Variants in DCC observed in about 807,000 individuals in gnomAD.
The protein encoded by DCC is DCC netrin 1 receptor.
Under a neutral mutation model 172.5 loss-of-function variants are expected in DCC, and 58 were observed. The observed-to-expected ratio is 0.34, with a 90% confidence interval of 0.27 to 0.42. The LOEUF (loss-of-function observed/expected upper bound fraction) is 0.42, where lower values mean the gene tolerates loss of function less well. Ranked by LOEUF, DCC falls within the 10% of genes least tolerant of loss-of-function variation. The probability of loss-of-function intolerance (pLI) is 1.00; values close to 1 mark genes in which losing one functional copy is unlikely to be tolerated. For synonymous variants in DCC, 709 were observed against 644.5 expected, an observed-to-expected ratio of 1.10 and a Z score of -1.52; for missense variants, 1,740 against 1,791.0, an observed-to-expected ratio of 0.97 and a Z score of 0.51.
At chr18:52,644,726 G>C (rs1282828728) in intron 1 of DCC, among the ~76,000 whole-genome samples, 3 of 147,202 alleles carry the variant, frequency 2.0e-5, no homozygotes, top group Non-Finnish European at 3.0e-5. Context: ...CTGTGTGACA[G>C]AGTGAGATCC....
chr18:53,450,067 A>C (rs1171394926), intron 22 of DCC, among the ~76,000 whole-genome samples: 1 of 151,868 alleles, frequency 6.6e-6, no homozygotes, highest in East Asian at 1.9e-4. Context: ...ATATTATAGT[A>C]GGTATTAGTG....
intron 12 of DCC, among the ~76,000 whole-genome samples, chr18:53,276,633 T>C (rs1241671374): frequency 1.3e-5 from 2 of 152,122 alleles, no homozygotes; most frequent in Non-Finnish European, 2.9e-5. Flanking sequence ...GTATGATTAA[T>C]AATCATGCAG....
intron 1 of DCC, among the ~76,000 whole-genome samples, chr18:52,516,552 A>T (rs76391976): frequency 5.3e-5 from 8 of 152,342 alleles, no homozygotes; most frequent in Non-Finnish European, 1.2e-4. Context: ...ACTGCATGTG[A>T]ATCTACAGTC....
At position 53,531,449 on chromosome 18, in the gene DCC, G is replaced by A. The variant is rs1157455364; in HGVS notation, c.*796G>A. ...TAATTATATGCTTAAGCTTGTAATAGGACAGTTTTCAATTTGGGTGGCTTT... is the reference window on the plus strand; with the variant it reads ...TAATTATATGCTTAAGCTTGTAATAAGACAGTTTTCAATTTGGGTGGCTTT... On this transcript the variant is annotated 3_prime_UTR_variant, in exon 29 of 29. Transcript: ENST00000442544. The A allele has an allele frequency of 6.5e-6, 1 of 153,062 alleles. No homozygotes were observed. The highest frequency in any genetic ancestry group is 1.5e-5 in the Non-Finnish European group (1 of 68,410). The allele number at this position is 153,062 out of a possible 1,614,324, so 9.5% of individuals were successfully genotyped here.
intron 7 of DCC, among the ~76,000 whole-genome samples, chr18:53,109,690 T>A (rs1013793711): frequency 2.7e-5 from 4 of 150,912 alleles, no homozygotes; most frequent in Non-Finnish European, 5.9e-5. Context: ...GATTTGGTAA[T>A]GAGAAGACAT....
chr18:53,187,783 C>G (rs2055305811), intron 9 of DCC, among the ~76,000 whole-genome samples: 1 of 152,168 alleles, frequency 6.6e-6, no homozygotes, highest in Non-Finnish European at 1.5e-5. Context: ...TTGGGGAACC[C>G]AAGATCCCAT....
intron 5 of DCC, among the ~76,000 whole-genome samples, chr18:52,966,966 C>A (rs1252593967): frequency 6.6e-6 from 1 of 152,160 alleles, no homozygotes; most frequent in South Asian, 2.1e-4. Flanking sequence ...TCTTTGGAGC[C>A]CCTGTGCTCT....
chr18:52,988,746 C>G (rs1007144432), intron 5 of DCC, among the ~76,000 whole-genome samples: 9 of 151,934 alleles, frequency 5.9e-5, no homozygotes, highest in African/African-American at 2.2e-4. Flanking sequence ...ATGAAATTTG[C>G]TGTAACCTTT....
intron 1 of DCC, among the ~76,000 whole-genome samples, chr18:52,414,142 G>A (rs907065610): frequency 3.9e-5 from 6 of 152,052 alleles, no homozygotes; most frequent in Admixed American, 2.6e-4. Context: ...GTGCAGTGGT[G>A]CAATCTCAGC....
intron 5 of DCC, among the ~76,000 whole-genome samples, chr18:53,038,697 T>A (rs1005721092): frequency 6.6e-6 from 1 of 151,998 alleles, no homozygotes; most frequent in African/African-American, 2.4e-5. Context: ...ATGAATTAAT[T>A]GGCCAAAAAT....
At chr18:53,441,988 T>C (rs1317645490) in intron 22 of DCC, among the ~76,000 whole-genome samples, 2 of 152,342 alleles carry the variant, frequency 1.3e-5, no homozygotes, top group Admixed American at 6.5e-5. Flanking sequence ...CTCTCAGTTC[T>C]GTTTAAAGGA....
At chr18:52,978,716 C>G (rs2041161312) in intron 5 of DCC, among the ~76,000 whole-genome samples, 1 of 152,160 alleles carries the variant, frequency 6.6e-6, no homozygotes, top group Non-Finnish European at 1.5e-5. Context: ...AGAACGAGGA[C>G]TATATCCACC....
At chr18:52,805,686 C>T (rs1293873076) in intron 2 of DCC, among the ~76,000 whole-genome samples, 1 of 152,146 alleles carries the variant, frequency 6.6e-6, no homozygotes, top group Non-Finnish European at 1.5e-5. Flanking sequence ...CAAATGAATA[C>T]TAGAAATGAA....
intron 12 of DCC, among the ~76,000 whole-genome samples, chr18:53,255,761 A>G (rs2056502541): frequency 6.6e-6 from 1 of 152,078 alleles, no homozygotes; most frequent in Non-Finnish European, 1.5e-5. Context: ...TGGTATTTCT[A>G]GTTCTAGATC....
intron 15 of DCC, among the ~76,000 whole-genome samples, chr18:53,351,399 GTGTATATATATATATATACACAC>G (rs2057803637): frequency 8.3e-5 from 2 of 24,086 alleles, no homozygotes; most frequent in African/African-American, 1.8e-4. Context: ...TATATATACA[GTGTATATATATATATATACACAC>G]TGTGTATATA....
intron 27 of DCC, among the ~76,000 whole-genome samples, chr18:53,525,129 C>G (rs996845540): frequency 6.6e-6 from 1 of 152,048 alleles, no homozygotes; most frequent in African/African-American, 2.4e-5. Context: ...TAACAAATTA[C>G]TAGTATCATT....
At chr18:53,260,463 G>A (rs1347172747) in intron 12 of DCC, among the ~76,000 whole-genome samples, 1 of 152,106 alleles carries the variant, frequency 6.6e-6, no homozygotes, top group Non-Finnish European at 1.5e-5. Flanking sequence ...TTTGCTGGAG[G>A]TCCACTCCAG....
intron 9 of DCC, among the ~76,000 whole-genome samples, chr18:53,179,681 C>T (rs1201909755): frequency 1.3e-5 from 2 of 152,096 alleles, no homozygotes; most frequent in Non-Finnish European, 1.5e-5. Flanking sequence ...CAAAGTAGAG[C>T]AGCTGAATGT....
chr18:52,499,683 G>T (rs1261463169), intron 1 of DCC, among the ~76,000 whole-genome samples: 1 of 152,032 alleles, frequency 6.6e-6, no homozygotes, highest in African/African-American at 2.4e-5. Flanking sequence ...TAAATATGAG[G>T]TCACTGTGAG....
Sources: allele counts gnomAD v4.1 joint callset (sites outside exome capture counted in the v4.1 genomes callset), GRCh38; gene constraint gnomAD v4.1.1; transcripts MANE v1.5; gene names NCBI Gene and HGNC (gene_info 2026-07-23, HGNC 2026-07-21).